TECPR2: variants seen among roughly 807,000 people sequenced by gnomAD.
TECPR2 encodes the protein tectonin beta-propeller repeat-containing protein 2.
A neutral mutation model predicts 138.1 loss-of-function variants in TECPR2; 65 were observed. That is an observed-to-expected ratio of 0.47 (90% CI 0.39 to 0.58). The LOEUF (loss-of-function observed/expected upper bound fraction) is 0.58, where lower values mean the gene tolerates loss of function less well. Ranked by LOEUF, TECPR2 falls within the 20% of genes least tolerant of loss-of-function variation. The probability of loss-of-function intolerance (pLI) is 0.00; values close to 1 mark genes in which losing one functional copy is unlikely to be tolerated. For synonymous variants in TECPR2, 746 were observed against 749.8 expected, an observed-to-expected ratio of 0.99 and a Z score of 0.08; for missense variants, 1,553 against 1,824.5, an observed-to-expected ratio of 0.85 and a Z score of 2.71.
At chr14:102,462,737 A>C (rs939428730) in intron 16 of TECPR2, among the ~76,000 whole-genome samples, 1 of 152,202 alleles carries the variant, frequency 6.6e-6, no homozygotes, top group Non-Finnish European at 1.5e-5. Flanking sequence ...ATCAAAATTA[A>C]AAACTTCTCA....
chr14:102,462,884 A>G (rs568312456), intron 16 of TECPR2, among the ~76,000 whole-genome samples: 1 of 152,390 alleles, frequency 6.6e-6, no homozygotes, highest in East Asian at 1.9e-4. Flanking sequence ...TCATTTTAAA[A>G]TGAGCAAGAC....
intron 7 of TECPR2, among the ~76,000 whole-genome samples, chr14:102,431,572 G>A (rs1349549872): frequency 1.3e-5 from 2 of 152,118 alleles, no homozygotes; most frequent in East Asian, 1.9e-4. Context: ...TTGATCTCCT[G>A]ACCTTGTGAT....
chr14:102,376,971 G>C (rs759947249), intron 2 of TECPR2, 31 bp downstream of exon 2: 2 of 1,593,834 alleles, frequency 1.3e-6, no homozygotes, highest in South Asian at 1.1e-5. Flanking sequence ...CACCTGAGGG[G>C]GCACGAGCCA....
At chr14:102,431,366 G>A (rs1391366904) in intron 7 of TECPR2, among the ~76,000 whole-genome samples, 34 of 126,976 alleles carry the variant, frequency 2.7e-4, no homozygotes, top group Non-Finnish European at 3.9e-4. Flanking sequence ...TTTTTGAGAC[G>A]GAGTCTCACT....
intron 2 of TECPR2, among the ~76,000 whole-genome samples, chr14:102,392,076 C>T (rs956606973): frequency 6.6e-6 from 1 of 152,148 alleles, no homozygotes; most frequent in African/African-American, 2.4e-5. Flanking sequence ...GCAACCTCTG[C>T]CTCCCACATT....
At chr14:102,470,228 A>G (rs1372815177) in intron 17 of TECPR2, among the ~76,000 whole-genome samples, 1 of 151,874 alleles carries the variant, frequency 6.6e-6, no homozygotes, top group East Asian at 1.9e-4. Context: ...TCATGTAGCC[A>G]TGTAGGCCTG....
In TECPR2 at chr14:102,363,141, GCCCCGACGC is replaced by G. The variant is rs3831043; in HGVS notation, c.-73+45_-73+53del. On this transcript the variant is annotated intron_variant, in intron 1 of 19. Coordinates refer to ENST00000359520, the MANE Select transcript of TECPR2 (RefSeq NM_014844.5). ...GGTGAGTCCGGCGACGCCGCAAGCG[GCCCCGACGC>G]CCCCGACGCCCCCGACGCCTGGCCC... 2,710 of 361,876 alleles carry G rather than the reference GCCCCGACGC, an allele frequency of 7.5e-3. 47 individuals are homozygous for G. Among genetic ancestry groups the G allele is most frequent in the African/African-American group, 0.037 (1,740 of 46,840 alleles). 22.4% of individuals were successfully genotyped at this position (361,876 alleles called of 1,614,324 possible). A position where few individuals can be genotyped will look rare whatever the true frequency, so the allele number is the denominator to read the frequency against.
At chr14:102,493,616 C>A (rs1346261629) in intron 17 of TECPR2, among the ~76,000 whole-genome samples, 2 of 152,222 alleles carry the variant, frequency 1.3e-5, no homozygotes, top group East Asian at 3.8e-4. Flanking sequence ...CATCTGATCC[C>A]AGCACAGCTA....
intron 11 of TECPR2, among the ~76,000 whole-genome samples, chr14:102,441,852 A>G (rs1010736860): frequency 2.6e-5 from 4 of 152,240 alleles, no homozygotes; most frequent in African/African-American, 9.6e-5. Flanking sequence ...ATCTTCCACC[A>G]GCAATGTGAT....
intron 4 of TECPR2, among the ~76,000 whole-genome samples, chr14:102,413,369 T>C (rs1888934900): frequency 6.7e-6 from 1 of 149,264 alleles, no homozygotes; most frequent in African/African-American, 2.4e-5. Flanking sequence ...ATTTCATATA[T>C]ATATAATGTA....
At chr14:102,497,157 GC>G (rs756396845) in intron 18 of TECPR2, 37 bp downstream of exon 18, 1 of 1,595,346 alleles carries the variant, frequency 6.3e-7, no homozygotes, top group South Asian at 1.1e-5. Context: ...GTGCCGGCCA[GC>G]CGGGGCTACC....
chr14:102,398,657 C>T (rs547283207), intron 2 of TECPR2, among the ~76,000 whole-genome samples: 80 of 151,850 alleles, frequency 5.3e-4, no homozygotes, highest in Non-Finnish European at 1.1e-3. Context: ...AGTTCAAGCT[C>T]AGCCTGGGCA....
intron 1 of TECPR2, among the ~76,000 whole-genome samples, chr14:102,374,825 C>G (rs1887601374): frequency 2.0e-5 from 3 of 152,192 alleles, no homozygotes; most frequent in African/African-American, 4.8e-5. Flanking sequence ...GCCACTGTTC[C>G]TGGGCCAAAT....
Position 102,387,989 on chromosome 14 carries a change from G to A in TECPR2, c.219+11049G>A, listed in dbSNP as rs188229816. Among the ~76,000 whole-genome samples, 335 of 152,314 alleles carry A rather than the reference G, an allele frequency of 2.2e-3. 3 individuals carry two copies. Among genetic ancestry groups the A allele is most frequent in the African/African-American group, 7.6e-3 (317 of 41,562 alleles). Reference sequence around the variant, plus strand: ...GCCTGAAACATGTCTTGGATATTTCGCATTGAGAAAAGTCATGCTTCAGAA... The same window carrying A: ...GCCTGAAACATGTCTTGGATATTTCACATTGAGAAAAGTCATGCTTCAGAA... On this transcript the variant is annotated intron_variant, in intron 2 of 19. Coordinates refer to ENST00000359520, the MANE Select transcript of TECPR2 (RefSeq NM_014844.5).
intron 2 of TECPR2, among the ~76,000 whole-genome samples, chr14:102,390,788 G>A (rs1888148558): frequency 1.4e-5 from 2 of 142,034 alleles, no homozygotes; most frequent in Admixed American, 1.4e-4. Flanking sequence ...TGCTGCCCAC[G>A]TATATCAGGG....
In TECPR2 at chr14:102,378,694, G is replaced by A. The variant is rs190856847; in HGVS notation, c.219+1754G>A. ...GGCTGGAGTGCAATGACATGATCTC[G>A]GCTCACTGCAACCTCCACCTCCCAG... On this transcript the variant is annotated intron_variant, in intron 2 of 19. Coordinates refer to ENST00000359520, the MANE Select transcript of TECPR2 (RefSeq NM_014844.5). Among the ~76,000 whole-genome samples, 140 of 152,086 alleles carry A rather than the reference G, an allele frequency of 9.2e-4. 1 individual carries two copies. Among genetic ancestry groups the A allele is most frequent in the Admixed American group, 2.8e-3 (42 of 15,258 alleles).
At chr14:102,378,547 C>T (rs115399733) in intron 2 of TECPR2, among the ~76,000 whole-genome samples, 68 of 152,286 alleles carry the variant, frequency 4.5e-4, no homozygotes, top group African/African-American at 1.6e-3. Context: ...GGGTAGGTGA[C>T]TTGCCTGAGG....
At position 102,425,144 on chromosome 14, in the gene TECPR2, T is replaced by A. The variant is rs61744777; in HGVS notation, c.804T>A (p.Phe268Leu). ...KDAFAGGVKP[F>L]ELHPRLESPN... ...CTTTTGCCGGGGGAGTCAAGCCTTT[T>A]GAACTGCACCCGCGTCTGGAATCCC... Residue 268 changes from phenylalanine to leucine, a missense_variant, in exon 6 of 20, where the codon TTT becomes TTA. Transcript: ENST00000359520. 41 of 1,614,062 alleles carry A rather than the reference T, an allele frequency of 2.5e-5. No individual in the cohort carries two copies. The African/African-American group carries it at 4.9e-4, about 19-fold the overall frequency.
chr14:102,460,574 A>G (rs924155906), intron 16 of TECPR2, among the ~76,000 whole-genome samples: 1 of 151,736 alleles, frequency 6.6e-6, no homozygotes, highest in Non-Finnish European at 1.5e-5. Context: ...AGATCACGCC[A>G]CTACACTCCA....
Sources: allele counts gnomAD v4.1 joint callset (sites outside exome capture counted in the v4.1 genomes callset), GRCh38; gene constraint gnomAD v4.1.1; transcripts MANE v1.5; gene names NCBI Gene and HGNC (gene_info 2026-07-23, HGNC 2026-07-21).